Variants in KLHL1 observed in about 807,000 individuals in gnomAD.
The protein encoded by KLHL1 is kelch-like protein 1.
A neutral mutation model predicts 77.7 loss-of-function variants in KLHL1; 47 were observed. The observed-to-expected ratio is 0.60, with a 90% CI of 0.48 to 0.77. The LOEUF is 0.77. KLHL1 is among the 30% of genes least tolerant of loss of function. The pLI is 0.00. For missense variants in KLHL1, 925 were observed against 910.8 expected, an observed-to-expected ratio of 1.02 and a Z score of -0.20; for synonymous variants, 360 against 325.2, an observed-to-expected ratio of 1.11 and a Z score of -1.15.
Position 70,107,837 on chromosome 13 carries a change from G to A in KLHL1, c.-138C>T. The A allele has an allele frequency of 1.5e-6, 1 of 652,828 alleles. No homozygotes were observed. Among genetic ancestry groups the A allele is most frequent in the Non-Finnish European group, 2.5e-6 (1 of 403,398 alleles). The allele number at this position is 652,828 out of a possible 1,614,324, so 40.4% of individuals were successfully genotyped here. A position where few individuals can be genotyped will look rare whatever the true frequency, so the allele number is the denominator to read the frequency against. On this transcript the variant is annotated 5_prime_UTR_variant, in exon 1 of 11. Transcript: ENST00000377844. ...GCACCCCTAGAGCCAGAAGACGCTAGGTGGGCTGCGCGCTCTGCCAGGCGA... is the reference window on the plus strand; with the variant it reads ...GCACCCCTAGAGCCAGAAGACGCTAAGTGGGCTGCGCGCTCTGCCAGGCGA...
intron 1 of KLHL1, among the ~76,000 whole-genome samples, chr13:70,040,646 T>C (rs565169836): frequency 1.3e-5 from 2 of 152,266 alleles, no homozygotes; most frequent in Non-Finnish European, 1.5e-5. Context: ...TTTCTATTTG[T>C]CTTTAGTATT....
intron 6 of KLHL1, among the ~76,000 whole-genome samples, chr13:69,812,230 T>C (rs1192737863): frequency 6.6e-6 from 1 of 152,192 alleles, no homozygotes; most frequent in Non-Finnish European, 1.5e-5. Flanking sequence ...AGTTTCTTAA[T>C]CCTGAGTTCT....
chr13:69,777,060 G>T (rs1377736792), intron 7 of KLHL1, among the ~76,000 whole-genome samples: 2 of 152,020 alleles, frequency 1.3e-5, no homozygotes, highest in Admixed American at 6.6e-5. Flanking sequence ...GAATCATGGG[G>T]TGGGTATTTC....
chr13:69,981,495 C>T (rs1038761002), intron 1 of KLHL1, among the ~76,000 whole-genome samples: 1 of 151,438 alleles, frequency 6.6e-6, no homozygotes, highest in African/African-American at 2.4e-5. Flanking sequence ...AGATCTTAGA[C>T]AAAGACCTGA....
intron 1 of KLHL1, among the ~76,000 whole-genome samples, chr13:70,009,514 T>C (rs2472284): frequency 0.1 from 15,672 of 152,164 alleles, 880 homozygotes; most frequent in African/African-American, 0.12. Context: ...AGATGGACCC[T>C]GAACACTAAA....
In KLHL1 at chr13:70,107,906, C is replaced by G; in HGVS notation, c.-207G>C. ...CAAAGCCGCGCGTTTCAGCCGTGGT[C>G]GGGTCCGCAGGACCTGGGCGTGGGG... is the stretch of plus-strand genomic sequence containing the variant. On this transcript the variant is annotated 5_prime_UTR_variant, in exon 1 of 11. Transcript: ENST00000377844. 2 of 515,558 alleles carry G rather than the reference C, an allele frequency of 3.9e-6. No individual in the cohort carries two copies. The highest frequency in any genetic ancestry group is 6.8e-6 in the Non-Finnish European group (2 of 295,626). The allele number at this position is 515,558 out of a possible 1,614,324, so 31.9% of individuals were successfully genotyped here. A position where few individuals can be genotyped will look rare whatever the true frequency, so the allele number is the denominator to read the frequency against.
chr13:69,749,617 A>T (rs1485665633), intron 7 of KLHL1, among the ~76,000 whole-genome samples: 1 of 152,006 alleles, frequency 6.6e-6, no homozygotes, highest in African/African-American at 2.4e-5. Context: ...AAAATCAAAT[A>T]TTCCCATATG....
At chr13:69,887,876 C>T (rs1166124991) in intron 4 of KLHL1, among the ~76,000 whole-genome samples, 1 of 152,166 alleles carries the variant, frequency 6.6e-6, no homozygotes, top group Non-Finnish European at 1.5e-5. Context: ...CAAAATTCCT[C>T]CAGCCATTAT....
At chr13:69,903,898 C>T (rs1881959192) in intron 4 of KLHL1, among the ~76,000 whole-genome samples, 1 of 151,632 alleles carries the variant, frequency 6.6e-6, no homozygotes, top group Non-Finnish European at 1.5e-5. Context: ...CCTCGGCCTC[C>T]CCAAGTGCTG....
At chr13:69,837,630 G>GCACA (rs1879062158) in intron 6 of KLHL1, among the ~76,000 whole-genome samples, 1 of 128,724 alleles carries the variant, frequency 7.8e-6, no homozygotes, top group African/African-American at 3.5e-5. Flanking sequence ...ATATGTGTGT[G>GCACA]TATATATATA....
At chr13:69,882,984 G>A (rs545846969) in intron 4 of KLHL1, among the ~76,000 whole-genome samples, 1 of 152,212 alleles carries the variant, frequency 6.6e-6, no homozygotes. Flanking sequence ...ACAAAATCCA[G>A]CAAGTTCCAT....
At chr13:70,002,261 G>T (rs563159122) in intron 1 of KLHL1, among the ~76,000 whole-genome samples, 1 of 151,578 alleles carries the variant, frequency 6.6e-6, no homozygotes, top group Admixed American at 6.6e-5. Context: ...AAAATGGTCC[G>T]CATGTTTGAA....
At chr13:69,977,114 A>C (rs1884566803) in intron 1 of KLHL1, among the ~76,000 whole-genome samples, 1 of 152,092 alleles carries the variant, frequency 6.6e-6, no homozygotes, top group African/African-American at 2.4e-5. Flanking sequence ...AGACATTCTT[A>C]TATGGACTCT....
intron 8 of KLHL1, among the ~76,000 whole-genome samples, chr13:69,732,328 T>C (rs1873583656): frequency 6.6e-6 from 1 of 152,142 alleles, no homozygotes; most frequent in Admixed American, 6.6e-5. Flanking sequence ...CTCAATAGAC[T>C]AAAAACTTTC....
In KLHL1 at chr13:70,034,229, T is replaced by C. The variant is rs551578612; in HGVS notation, c.498-58427A>G. ...TAAATGAGTTATTATTGCTATCTCA[T>C]TGAACTTCCCCAAATGCTTTACAAC... On this transcript the variant is annotated intron_variant, in intron 1 of 10. Transcript: ENST00000377844. 6.6e-5 allele frequency among the ~76,000 whole-genome samples: 10 copies of C among 152,340 alleles called. No individual in the cohort carries two copies. In the South Asian group the frequency reaches 2.1e-3, roughly 32 times the overall value.
At chr13:69,942,540 C>T (rs371641209) in intron 3 of KLHL1, among the ~76,000 whole-genome samples, 78 of 152,028 alleles carry the variant, frequency 5.1e-4, no homozygotes, top group Middle Eastern at 3.4e-3. Flanking sequence ...TTAAGAAAGT[C>T]CTTTATGCAT....
At chr13:69,837,187 CCACT>C (rs1407404379) in intron 6 of KLHL1, among the ~76,000 whole-genome samples, 3 of 151,472 alleles carry the variant, frequency 2.0e-5, no homozygotes, top group Non-Finnish European at 1.5e-5. Context: ...TCTTTCCCAC[CCACT>C]AATTTTTCAT....
At chr13:69,867,231 A>ATATGTACTTT (rs1880399764) in intron 5 of KLHL1, among the ~76,000 whole-genome samples, 1 of 152,134 alleles carries the variant, frequency 6.6e-6, no homozygotes, top group Non-Finnish European at 1.5e-5. Context: ...TGAGAAAATA[A>ATATGTACTTT]TATGTACTTT....
At chr13:70,046,569 C>T (rs558183460) in intron 1 of KLHL1, among the ~76,000 whole-genome samples, 1 of 152,334 alleles carries the variant, frequency 6.6e-6, no homozygotes, top group East Asian at 1.9e-4. Context: ...CTCATTGCAA[C>T]CTGCGCCTCC....
Sources: allele counts gnomAD v4.1 joint callset (sites outside exome capture counted in the v4.1 genomes callset), GRCh38; gene constraint gnomAD v4.1.1; transcripts MANE v1.5; gene names NCBI Gene and HGNC (gene_info 2026-07-23, HGNC 2026-07-21).